The following PHYHIPL variants were observed in gnomAD, a reference collection of about 807,000 sequenced individuals.
PHYHIPL encodes the protein phytanoyl-CoA 2-hydroxylase interacting protein like.
In PHYHIPL, 9 loss-of-function variants were observed where a neutral mutation model predicts 33.4. The ratio of observed to expected loss-of-function variants is 0.27; its 90% CI spans 0.16 to 0.47. The LOEUF is 0.47. PHYHIPL is among the 20% of genes least tolerant of loss of function. The pLI, the probability that PHYHIPL is intolerant of heterozygous loss-of-function variation, is 0.99. For missense variants in PHYHIPL, 365 were observed against 460.7 expected (o/e 0.79, Z 1.90); for synonymous variants, 153 against 154.1 (o/e 0.99, Z 0.05).
chr10:59,191,391 T>C lies in PHYHIPL; in HGVS notation c.106+14432T>C, dbSNP rs140738392. ...GCAGTATCAATAATGCAACATTTGA[T>C]AAGGTTTTCTCTAATTGTGTATGCT... On this transcript the variant is annotated intron_variant, in intron 1 of 4. Transcript: ENST00000373880. Among the ~76,000 whole-genome samples, 46 of 152,128 alleles carry C rather than the reference T, an allele frequency of 3.0e-4. No individual in the cohort carries two copies. In the East Asian group the frequency reaches 7.7e-3, roughly 25 times the overall value.
intron 1 of PHYHIPL, among the ~76,000 whole-genome samples, chr10:59,229,379 A>G (rs1418286530): frequency 6.6e-6 from 1 of 152,190 alleles, no homozygotes; most frequent in Non-Finnish European, 1.5e-5. Context: ...AATGATTTCT[A>G]TTGTGTAATA....
chr10:59,227,935 T>C (rs1350056881), intron 1 of PHYHIPL, among the ~76,000 whole-genome samples: 1 of 149,258 alleles, frequency 6.7e-6, no homozygotes, highest in Non-Finnish European at 1.5e-5. Context: ...CACTTTTTGC[T>C]CTTCTAAGAT....
chr10:59,187,636 T>C (rs1215693746), intron 1 of PHYHIPL, among the ~76,000 whole-genome samples: 1 of 152,182 alleles, frequency 6.6e-6, no homozygotes, highest in Non-Finnish European at 1.5e-5. Context: ...ATTGCCTCAA[T>C]TTCAGAGCCT....
At chr10:59,178,394 C>T (rs1838313181) in intron 1 of PHYHIPL, among the ~76,000 whole-genome samples, 1 of 151,998 alleles carries the variant, frequency 6.6e-6, no homozygotes, top group Non-Finnish European at 1.5e-5. Context: ...TTTTGGTATT[C>T]CATATGTAAG....
intron 1 of PHYHIPL, among the ~76,000 whole-genome samples, chr10:59,195,970 A>C (rs1170566205): frequency 1.3e-5 from 2 of 152,156 alleles, no homozygotes; most frequent in Non-Finnish European, 2.9e-5. Context: ...AATGTTAGCT[A>C]TAGAGCTTAA....
intron 1 of PHYHIPL, among the ~76,000 whole-genome samples, chr10:59,185,239 C>T (rs1348264240): frequency 5.3e-5 from 8 of 152,098 alleles, no homozygotes; most frequent in African/African-American, 1.7e-4. Flanking sequence ...ATCCGCCCGC[C>T]TCGGCCTCCC....
chr10:59,196,452 T>C (rs988735336), intron 1 of PHYHIPL, among the ~76,000 whole-genome samples: 3 of 150,528 alleles, frequency 2.0e-5, no homozygotes, highest in African/African-American at 7.3e-5. Flanking sequence ...TCTTGCTCTG[T>C]TGCCCAGGCT....
Position 59,234,490 on chromosome 10 carries a change from T to A in PHYHIPL, c.293T>A (p.Phe98Tyr), listed in dbSNP as rs1840167291. 3.9e-6 allele frequency: 6 copies of A among 1,544,486 alleles called. No individual in the cohort carries two copies. Among genetic ancestry groups the A allele is most frequent in the Non-Finnish European group, 4.3e-6 (5 of 1,152,966 alleles). ...NKKENKNSNK[F>Y]KHKDVPTKLV... ...AAAGAGAACAAGAACTCCAATAAAT[T>A]TAAACACAAGGTAAAATCTAACAAA... The change falls in exon 2 of 5, where the codon TTT becomes TAT. Residue 98 changes from phenylalanine (F) to tyrosine (Y), a missense_variant. Around this residue, in one of 4 missense-constraint regions of PHYHIPL, gnomAD observed 63 missense variants for 119.3 expected, o/e 0.53. Transcript: ENST00000373880.
intron 1 of PHYHIPL, among the ~76,000 whole-genome samples, chr10:59,202,705 C>T (rs1399408851): frequency 6.6e-6 from 1 of 152,076 alleles, no homozygotes; most frequent in Non-Finnish European, 1.5e-5. Context: ...TTCTGTTTTC[C>T]AGTTGTGAAT....
At position 59,237,541 on chromosome 10, in the gene PHYHIPL, C is replaced by G. The variant is rs573189218; in HGVS notation, c.478+884C>G. Among the ~76,000 whole-genome samples, 5 of 152,028 alleles carry G rather than the reference C, an allele frequency of 3.3e-5. No homozygotes were observed. The South Asian group carries it at 8.3e-4, about 25-fold the overall frequency. On this transcript the variant is annotated intron_variant, in intron 3 of 4. Coordinates refer to ENST00000373880, the MANE Select transcript of PHYHIPL (RefSeq NM_032439.4). Reference sequence around the variant, plus strand: ...CTCTTGTTTATCAGAATAATTTAGACTTTTCACATAAGCTTTGTCAATAAC... The same window carrying G: ...CTCTTGTTTATCAGAATAATTTAGAGTTTTCACATAAGCTTTGTCAATAAC...
chr10:59,198,801 A>G (rs907420185), intron 1 of PHYHIPL, among the ~76,000 whole-genome samples: 2 of 152,114 alleles, frequency 1.3e-5, no homozygotes, highest in Non-Finnish European at 2.9e-5. Context: ...TTCTCTGATG[A>G]CCAGTGATGA....
intron 1 of PHYHIPL, among the ~76,000 whole-genome samples, chr10:59,189,377 A>T (rs1364755773): frequency 6.6e-6 from 1 of 152,090 alleles, no homozygotes; most frequent in African/African-American, 2.4e-5. Flanking sequence ...ATTTAATTTC[A>T]TCACAGATTG....
intron 1 of PHYHIPL, chr10:59,219,203 A>T (rs1233267885): frequency 1.1e-6 from 1 of 905,184 alleles, no homozygotes; most frequent in South Asian, 5.1e-5. Flanking sequence ...ATATATTCAT[A>T]AAAATAAGAA....
chr10:59,229,600 CG>C (rs1840020480), intron 1 of PHYHIPL, among the ~76,000 whole-genome samples: 1 of 152,072 alleles, frequency 6.6e-6, no homozygotes, highest in African/African-American at 2.4e-5. Flanking sequence ...ATTCGTGAAT[CG>C]GGCAGCCTCC....
Position 59,176,822 on chromosome 10 carries a change from G to A in PHYHIPL, c.-32G>A, listed in dbSNP as rs745796909. On this transcript the variant is annotated 5_prime_UTR_variant, in exon 1 of 5. Coordinates refer to ENST00000373880, the MANE Select transcript of PHYHIPL (RefSeq NM_032439.4). Reference sequence around the variant, plus strand: ...CGGCCGGCAGAGAGAGCCTGGATACGAAGCAGGCGGGCTTCAGAGTGGGTT... The same window carrying A: ...CGGCCGGCAGAGAGAGCCTGGATACAAAGCAGGCGGGCTTCAGAGTGGGTT... The A allele has an allele frequency of 1.3e-6, 2 of 1,585,580 alleles. No individual in the cohort carries two copies. The highest frequency in any genetic ancestry group is 1.7e-6 in the Non-Finnish European group (2 of 1,162,238).
chr10:59,228,492 T>C (rs1373312369), intron 1 of PHYHIPL, among the ~76,000 whole-genome samples: 1 of 152,146 alleles, frequency 6.6e-6, no homozygotes, highest in Admixed American at 6.5e-5. Flanking sequence ...TCACTGAATT[T>C]TAAAGTATTA....
intron 1 of PHYHIPL, among the ~76,000 whole-genome samples, chr10:59,215,747 A>G (rs1253353220): frequency 6.6e-6 from 1 of 152,030 alleles, no homozygotes; most frequent in African/African-American, 2.4e-5. Context: ...TCTAAGTAGT[A>G]ATAGTTAAGC....
In PHYHIPL at chr10:59,183,682, G is replaced by C; in HGVS notation, c.106+6723G>C. The stretch of plus-strand genomic sequence containing the variant: ...TGAAGATGCTCAACAGATGTGAGTT[G>C]AACCAAGAACGTCATACTTGGAATT... On this transcript the variant is annotated intron_variant, in intron 1 of 4. Coordinates refer to ENST00000373880, the MANE Select transcript of PHYHIPL (RefSeq NM_032439.4). 3 of 984,920 alleles carry C rather than the reference G, an allele frequency of 3.0e-6. No individual in the cohort carries two copies. The South Asian group carries it at 1.4e-4, about 46-fold the overall frequency. The allele number at this position is 984,920 out of a possible 1,614,324, so 61.0% of individuals were successfully genotyped here.
chr10:59,198,704 T>C (rs1589267127), intron 1 of PHYHIPL, among the ~76,000 whole-genome samples: 1 of 151,944 alleles, frequency 6.6e-6, no homozygotes, highest in African/African-American at 2.4e-5. Flanking sequence ...CTCCACATCC[T>C]CTCCAGCACC....
Sources: allele counts gnomAD v4.1 joint callset (sites outside exome capture counted in the v4.1 genomes callset), GRCh38; gene constraint gnomAD v4.1.1; regional missense constraint gnomAD v4.1.1; transcripts MANE v1.5; gene names NCBI Gene and HGNC (gene_info 2026-07-23, HGNC 2026-07-21).